Variants in CDH2 observed in about 807,000 individuals in gnomAD.
CDH2 encodes cadherin-2.
Under a neutral mutation model 92.0 loss-of-function variants are expected in CDH2, and 17 were observed. That is an observed-to-expected ratio of 0.18 (90% CI 0.13 to 0.28). The LOEUF (loss-of-function observed/expected upper bound fraction) is 0.28, where lower values mean the gene tolerates loss of function less well. CDH2 is among the 10% of genes least tolerant of loss of function. The pLI, the probability that CDH2 is intolerant of heterozygous loss-of-function variation, is 1.00. For missense variants in CDH2, 862 were observed against 1,133.1 expected (o/e 0.76, Z 3.44); for synonymous variants, 419 against 415.9 (o/e 1.01, Z -0.09).
rs1452947996 is a variant in CDH2 at position 27,985,125 on chromosome 18, A to G, written c.2084T>C (p.Ile695Thr). ...ACACTGGCAAACCTTCACACGCAGG[A>G]TGGAAATATTTGATTTGGGAGGATT... ...SGNPPKSNISILRVKVCQCDS... is the reference protein window; with the variant it reads ...SGNPPKSNISTLRVKVCQCDS... Residue 695 changes from isoleucine to threonine, a missense_variant, in exon 13 of 16, where the codon ATC becomes ACC. Ile to Thr is a moderately conservative substitution (Grantham distance 89). Around this residue, in one of 5 missense-constraint regions of CDH2, gnomAD observed 564 missense variants for 722.2 expected, o/e 0.78. Transcript: ENST00000269141. The G allele has an allele frequency of 1.9e-6, 3 of 1,613,738 alleles. No homozygotes were observed. Among genetic ancestry groups the G allele is most frequent in the Non-Finnish European group, 1.7e-6 (2 of 1,179,730 alleles).
At chr18:28,062,472 T>C (rs1209364286) in intron 2 of CDH2, among the ~76,000 whole-genome samples, 1 of 152,226 alleles carries the variant, frequency 6.6e-6, no homozygotes. Flanking sequence ...AGATGAAAAC[T>C]GTTATTTCCA....
chr18:28,139,129 G>A (rs1044885957), intron 2 of CDH2, among the ~76,000 whole-genome samples: 1 of 152,020 alleles, frequency 6.6e-6, no homozygotes, highest in African/African-American at 2.4e-5. Flanking sequence ...TTTTAGGAGT[G>A]ACTCAACAAA....
intron 2 of CDH2, among the ~76,000 whole-genome samples, chr18:28,086,114 C>G (rs2014922396): frequency 6.6e-6 from 1 of 152,130 alleles, no homozygotes; most frequent in Non-Finnish European, 1.5e-5. Flanking sequence ...TTCTAGCAAG[C>G]AGCAACAGTA....
At chr18:28,077,238 C>T (rs2014737913) in intron 2 of CDH2, among the ~76,000 whole-genome samples, 1 of 152,108 alleles carries the variant, frequency 6.6e-6, no homozygotes, top group Non-Finnish European at 1.5e-5. Context: ...GCATAGTATT[C>T]TGCTTGTTTA....
chr18:27,975,101 AAC>A (rs1461226067), intron 14 of CDH2, among the ~76,000 whole-genome samples: 1 of 152,172 alleles, frequency 6.6e-6, no homozygotes, highest in Non-Finnish European at 1.5e-5. Flanking sequence ...TGGAATGGGA[AAC>A]CTATATAGTG....
At chr18:28,111,304 C>A (rs111828257) in intron 2 of CDH2, among the ~76,000 whole-genome samples, 2 of 152,194 alleles carry the variant, frequency 1.3e-5, no homozygotes, top group Non-Finnish European at 2.9e-5. Flanking sequence ...GGGTGTAGCA[C>A]GTGCATACGT....
chr18:28,029,556 C>CT (rs1567971086), intron 2 of CDH2, among the ~76,000 whole-genome samples: 1 of 152,024 alleles, frequency 6.6e-6, no homozygotes, highest in African/African-American at 2.4e-5. Context: ...ATAGTTACTG[C>CT]TTCAACTGAC....
intron 14 of CDH2, among the ~76,000 whole-genome samples, chr18:27,978,373 T>C (rs1202055430): frequency 3.3e-5 from 5 of 152,070 alleles, no homozygotes; most frequent in South Asian, 2.1e-4. Flanking sequence ...TAGTACCGCA[T>C]AGAACAGCAG....
intron 1 of CDH2, among the ~76,000 whole-genome samples, chr18:28,165,059 T>G (rs535247412): frequency 4.6e-5 from 7 of 152,336 alleles, no homozygotes; most frequent in African/African-American, 1.7e-4. Flanking sequence ...GTGCTCAAAC[T>G]TATTCAAACA....
intron 1 of CDH2, among the ~76,000 whole-genome samples, chr18:28,164,997 T>C (rs975235180): frequency 1.3e-5 from 2 of 152,236 alleles, no homozygotes; most frequent in African/African-American, 2.4e-5. Flanking sequence ...TGCTGAGCTA[T>C]AATTTATCTG....
In CDH2 at chr18:28,009,707, G is replaced by A. The variant is rs767811190; in HGVS notation, c.702+10C>T. 1 of 1,612,812 alleles carries A rather than the reference G, an allele frequency of 6.2e-7. No individual in the cohort carries two copies. The highest frequency in any genetic ancestry group is 8.5e-7 in the Non-Finnish European group (1 of 1,179,268). On this transcript the variant is annotated intron_variant, in intron 5 of 15. Transcript: ENST00000269141. ...TAATACACAGAATTATCAGCTGGTT[G>A]GAATCTTACATGAAACCGGGCTATC...
chr18:28,034,821 C>A (rs1365112691), intron 2 of CDH2, among the ~76,000 whole-genome samples: 2 of 151,980 alleles, frequency 1.3e-5, no homozygotes, highest in Non-Finnish European at 2.9e-5. Context: ...GAGTATAAAT[C>A]CTTGAAGTTC....
At chr18:28,019,541 A>G (rs2013351209) in intron 2 of CDH2, among the ~76,000 whole-genome samples, 1 of 152,008 alleles carries the variant, frequency 6.6e-6, no homozygotes, top group African/African-American at 2.4e-5. Context: ...AGGACTTTGC[A>G]AAAAACGCAT....
intron 10 of CDH2, 89 bp from the exon 11 acceptor site, chr18:27,988,755 T>C: frequency 3.3e-6 from 3 of 895,830 alleles, no homozygotes; most frequent in Non-Finnish European, 5.2e-6. Flanking sequence ...AACTGGCTCA[T>C]TAACTTGCAT....
intron 2 of CDH2, among the ~76,000 whole-genome samples, chr18:28,017,717 C>T (rs2144048142): frequency 6.6e-6 from 1 of 152,048 alleles, no homozygotes; most frequent in South Asian, 2.1e-4. Flanking sequence ...TCTGGCATCC[C>T]TTTATGATTA....
intron 7 of CDH2, among the ~76,000 whole-genome samples, chr18:27,995,788 T>C (rs988508062): frequency 1.3e-5 from 2 of 151,998 alleles, no homozygotes; most frequent in East Asian, 2.0e-4. Flanking sequence ...ATTTCCAAAG[T>C]ACAATATCTC....
At chr18:27,962,333 G>C (rs2011427084) in intron 15 of CDH2, among the ~76,000 whole-genome samples, 1 of 152,148 alleles carries the variant, frequency 6.6e-6, no homozygotes, top group South Asian at 2.1e-4. Context: ...ATATATTTTA[G>C]GAACAGACAG....
intron 2 of CDH2, among the ~76,000 whole-genome samples, chr18:28,085,248 C>T (rs1363916377): frequency 6.6e-6 from 1 of 152,052 alleles, no homozygotes; most frequent in African/African-American, 2.4e-5. Context: ...TCTTAGTGTT[C>T]GCAGCTCTAC....
intron 2 of CDH2, among the ~76,000 whole-genome samples, chr18:28,125,379 G>A (rs991566429): frequency 6.6e-6 from 1 of 152,056 alleles, no homozygotes; most frequent in East Asian, 1.9e-4. Flanking sequence ...TCTGCTGGCA[G>A]TGATTCCAAA....
Sources: gnomAD v4.1 joint callset for allele counts (sites outside exome capture counted in the v4.1 genomes callset) on GRCh38, gnomAD v4.1.1 for gene constraint, gnomAD v4.1.1 regional missense constraint, MANE v1.5 for transcripts, NCBI Gene and HGNC (gene_info 2026-07-23, HGNC 2026-07-21) for gene names.